DENND6A: variants seen among roughly 807,000 people sequenced by gnomAD.
DENND6A encodes the protein protein DENND6A.
In DENND6A, 43 loss-of-function variants were observed where a neutral mutation model predicts 95.5. The observed-to-expected ratio is 0.45, with a 90% CI of 0.35 to 0.58. DENND6A has a LOEUF of 0.58. Ranked by LOEUF, DENND6A falls within the 20% of genes least tolerant of loss-of-function variation. The pLI, the probability that DENND6A is intolerant of heterozygous loss-of-function variation, is 0.00. For missense variants in DENND6A, 574 were observed against 736.0 expected (o/e 0.78, Z 2.55); for synonymous variants, 257 against 260.4 (o/e 0.99, Z 0.13).
chr3:57,645,914 T>C (rs887673083), intron 10 of DENND6A, among the ~76,000 whole-genome samples, 158 bp from the exon 11 acceptor site: 2 of 152,196 alleles, frequency 1.3e-5, no homozygotes, highest in Non-Finnish European at 2.9e-5. Flanking sequence ...AAGACAGATA[T>C]ATGTAATGTG....
At chr3:57,663,809 C>A in intron 4 of DENND6A, 93 bp from the exon 5 acceptor site, 1 of 691,366 alleles carries the variant, frequency 1.4e-6, no homozygotes, top group Non-Finnish European at 2.2e-6. Context: ...ATATTAACAT[C>A]AGGCTCCTTT....
chr3:57,659,543 A>G (rs1160543568), intron 7 of DENND6A, among the ~76,000 whole-genome samples: 1 of 152,212 alleles, frequency 6.6e-6, no homozygotes, highest in African/African-American at 2.4e-5. Context: ...GATAAATCTC[A>G]CAGGAAACAA....
Position 57,634,787 on chromosome 3 carries a change from A to G in DENND6A, c.1133-18T>C. 1 of 1,529,078 alleles carries G rather than the reference A, an allele frequency of 6.5e-7. No homozygotes were observed. 94.7% of individuals were successfully genotyped at this position (1,529,078 alleles called of 1,614,324 possible). Reference sequence around the variant, plus strand: ...AATTTCACCTGAAGGAAGCAGCATAAAGATTTTTATAATTATTCTAATCAT... The same window carrying G: ...AATTTCACCTGAAGGAAGCAGCATAGAGATTTTTATAATTATTCTAATCAT... On this transcript the variant is annotated intron_variant, in intron 12 of 19. Transcript: ENST00000311128.
intron 3 of DENND6A, 90 bp from the exon 4 acceptor site, chr3:57,666,325 C>A: frequency 1.9e-6 from 2 of 1,055,646 alleles, no homozygotes; most frequent in Non-Finnish European, 1.4e-6. Flanking sequence ...AAAATCCTAT[C>A]AATCATTTTA....
At chr3:57,640,259 ACT>A (rs993962068) in intron 12 of DENND6A, among the ~76,000 whole-genome samples, 2 of 145,108 alleles carry the variant, frequency 1.4e-5, no homozygotes, top group South Asian at 2.2e-4. Context: ...ACAGAGTGAG[ACT>A]CTGTCTCAAA....
intron 9 of DENND6A, among the ~76,000 whole-genome samples, chr3:57,652,130 G>A (rs559039256): frequency 2.0e-5 from 3 of 152,312 alleles, no homozygotes; most frequent in South Asian, 2.1e-4. Flanking sequence ...TAATTCTCCC[G>A]TTCTTGAGCG....
intron 5 of DENND6A, among the ~76,000 whole-genome samples, chr3:57,663,174 A>G (rs1462781734): frequency 1.4e-5 from 2 of 146,854 alleles, no homozygotes; most frequent in Non-Finnish European, 3.0e-5. Flanking sequence ...AAAAAAAAAA[A>G]TCTATATATA....
At chr3:57,681,456 T>C (rs2077164584) in intron 1 of DENND6A, among the ~76,000 whole-genome samples, 1 of 149,838 alleles carries the variant, frequency 6.7e-6, no homozygotes, top group Non-Finnish European at 1.5e-5. Context: ...AGAGCAAGAC[T>C]CTGCCTCAAA....
chr3:57,644,152 A>C (rs1433691452), intron 11 of DENND6A, among the ~76,000 whole-genome samples: 1 of 151,390 alleles, frequency 6.6e-6, no homozygotes, highest in Non-Finnish European at 1.5e-5. Context: ...TCCATCTCAA[A>C]AAAAAAAAAA....
At chr3:57,643,045 T>C (rs376252934) in intron 11 of DENND6A, among the ~76,000 whole-genome samples, 252 of 150,588 alleles carry the variant, frequency 1.7e-3, no homozygotes, top group African/African-American at 5.7e-3. Flanking sequence ...TGGAAGAAAT[T>C]TGGAAGTTAT....
intron 1 of DENND6A, among the ~76,000 whole-genome samples, chr3:57,690,119 T>C (rs531087119): frequency 8.2e-5 from 11 of 134,546 alleles, no homozygotes; most frequent in African/African-American, 3.1e-4. Flanking sequence ...CTGAGGCAGG[T>C]GTATCACTTG....
intron 9 of DENND6A, among the ~76,000 whole-genome samples, chr3:57,650,443 C>CACACAT (rs1384457882): frequency 6.6e-6 from 1 of 150,460 alleles, no homozygotes; most frequent in African/African-American, 2.5e-5. Context: ...CACACACACA[C>CACACAT]ACATACATAC....
chr3:57,667,479 G>T (rs988454182), intron 3 of DENND6A, among the ~76,000 whole-genome samples: 1 of 151,994 alleles, frequency 6.6e-6, no homozygotes, highest in Admixed American at 6.6e-5. Context: ...TTTTATATTT[G>T]TACAAACATA....
Position 57,663,674 on chromosome 3 carries a change from C to A in DENND6A, c.475G>T (p.Val159Phe). The A allele has an allele frequency of 6.3e-7, 1 of 1,584,668 alleles. No homozygotes were observed. Among genetic ancestry groups the A allele is most frequent in the Non-Finnish European group, 8.6e-7 (1 of 1,163,968 alleles). ...CCTCTTTTTAGAGTTTTATCTCGAA[C>A]TTGTCGGAAATACACATATCCATAA... ...YFYGYVYFRQ[V>F]RDKTLKRGYF... Residue 159 changes from valine to phenylalanine, a missense_variant, in exon 5 of 20, where the codon GTT becomes TTT. Physicochemically the swap from Val to Phe is conservative, Grantham distance 50. Around this residue, in one of 2 missense-constraint regions of DENND6A, gnomAD observed 452 missense variants for 630.9 expected, o/e 0.72. Coordinates refer to ENST00000311128, the MANE Select transcript of DENND6A (RefSeq NM_152678.3).
At chr3:57,682,789 C>T (rs917677144) in intron 1 of DENND6A, among the ~76,000 whole-genome samples, 3 of 152,206 alleles carry the variant, frequency 2.0e-5, no homozygotes, top group Non-Finnish European at 4.4e-5. Context: ...GATTCTGCTG[C>T]CTCAGCCACT....
rs73086487 is a variant in DENND6A, at chr3:57,675,246, G to A, written c.238-2808C>T. On this transcript the variant is annotated intron_variant, in intron 1 of 19. Coordinates refer to ENST00000311128, the MANE Select transcript of DENND6A (RefSeq NM_152678.3). ...GTAATATTTACATTAGGTAAAAAAAGTTTTTGGTTTAAAGTTATCTCCAAA... is the reference window on the plus strand; with the variant it reads ...GTAATATTTACATTAGGTAAAAAAAATTTTTGGTTTAAAGTTATCTCCAAA... 8.9e-3 allele frequency among the ~76,000 whole-genome samples: 1,355 copies of A among 152,256 alleles called. 36 individuals are homozygous for A. The highest frequency in any genetic ancestry group is 8.9e-3 in the Non-Finnish European group (603 of 68,018).
At chr3:57,637,596 G>A (rs956713311) in intron 12 of DENND6A, among the ~76,000 whole-genome samples, 8 of 151,858 alleles carry the variant, frequency 5.3e-5, no homozygotes, top group African/African-American at 1.7e-4. Flanking sequence ...CCTGAGCAGG[G>A]CTGTGTTGCA....
intron 7 of DENND6A, 38 bp downstream of exon 7, chr3:57,660,722 A>T (rs779708252): frequency 6.5e-7 from 1 of 1,549,366 alleles, no homozygotes; most frequent in East Asian, 2.3e-5. Flanking sequence ...AAATAAAAAT[A>T]AAAATAAAAA....
chr3:57,641,492 G>A (rs1230011732), intron 12 of DENND6A, among the ~76,000 whole-genome samples, 161 bp downstream of exon 12: 2 of 150,422 alleles, frequency 1.3e-5, no homozygotes, highest in Middle Eastern at 3.2e-3. Context: ...CATATTATAA[G>A]AGCCTGCATA....
Sources: allele counts gnomAD v4.1 joint callset (sites outside exome capture counted in the v4.1 genomes callset), GRCh38; gene constraint gnomAD v4.1.1; regional missense constraint gnomAD v4.1.1; transcripts MANE v1.5; gene names NCBI Gene and HGNC (gene_info 2026-07-23, HGNC 2026-07-21).